Variants in CPB2 observed in about 807,000 individuals in gnomAD.
The protein encoded by CPB2 is carboxypeptidase B-like protein.
In CPB2, 54 loss-of-function variants were observed where a neutral mutation model predicts 57.0. That is an observed-to-expected ratio of 0.95 (90% confidence interval 0.76 to 1.19). The LOEUF is 1.19. CPB2 is among the 50% of genes most tolerant of loss of function. CPB2 has a pLI of 0.00. For synonymous variants in CPB2, 189 were observed against 178.1 expected (o/e 1.06, Z -0.49); for missense variants, 426 against 512.0 (o/e 0.83, Z 1.62).
intron 8 of CPB2, among the ~76,000 whole-genome samples, chr13:46,060,798 T>C (rs1049496260): frequency 2.0e-5 from 3 of 152,118 alleles, no homozygotes; most frequent in African/African-American, 7.2e-5. Flanking sequence ...GCAGGAAACT[T>C]GAGGTCGAGA....
chr13:46,067,160 A>T (rs2044868981), intron 7 of CPB2, 147 bp downstream of exon 7: 2 of 510,250 alleles, frequency 3.9e-6, no homozygotes, highest in South Asian at 6.5e-5. Flanking sequence ...GCACTTATAT[A>T]TATATTTGAC....
chr13:46,095,533 C>T (rs2045352745), intron 1 of CPB2, among the ~76,000 whole-genome samples: 1 of 152,142 alleles, frequency 6.6e-6, no homozygotes, highest in Non-Finnish European at 1.5e-5. Flanking sequence ...CTTGATGTGG[C>T]ATCTTTGCCG....
intron 1 of CPB2, among the ~76,000 whole-genome samples, chr13:46,104,235 CA>C (rs1361320739): frequency 2.0e-5 from 3 of 151,990 alleles, no homozygotes; most frequent in Admixed American, 2.0e-4. Context: ...ATCATAGAAC[CA>C]AAACAAAGGG....
chr13:46,078,968 GCAGA>G lies in CPB2; in HGVS notation c.385-71_385-68del, dbSNP rs1031388032. 12 of 971,878 alleles carry G rather than the reference GCAGA, an allele frequency of 1.2e-5. No individual in the cohort carries two copies. In the Admixed American group the frequency reaches 1.3e-4, roughly 11 times the overall value. 60.2% of individuals were successfully genotyped at this position (971,878 alleles called of 1,614,324 possible). On this transcript the variant is annotated intron_variant, in intron 4 of 10. Coordinates refer to ENST00000181383, the MANE Select transcript of CPB2 (RefSeq NM_001872.5). The stretch of plus-strand genomic sequence containing the variant: ...CAAAGCATTTCCCTGACCAAAGCAA[GCAGA>G]CAACTTCTTCAGAGAAAGGAAAACC...
intron 6 of CPB2, chr13:46,073,604 A>G (rs193086777): frequency 7.8e-6 from 2 of 256,906 alleles, no homozygotes; most frequent in East Asian, 1.8e-4. Flanking sequence ...TAATCAATGT[A>G]CTATTTCTTA....
intron 7 of CPB2, among the ~76,000 whole-genome samples, chr13:46,066,720 C>T (rs1481173993): frequency 6.6e-6 from 1 of 151,744 alleles, no homozygotes; most frequent in African/African-American, 2.4e-5. Flanking sequence ...TGGCAGGCAC[C>T]CGTAGTCCCA....
At chr13:46,067,553 C>T in intron 6 of CPB2, 136 bp from the exon 7 acceptor site, 1 of 567,110 alleles carries the variant, frequency 1.8e-6, no homozygotes, top group South Asian at 2.4e-5. Context: ...AGTGCTAATT[C>T]CTCAAAAGAA....
chr13:46,095,119 A>G (rs973417111), intron 1 of CPB2: 4 of 152,148 alleles, frequency 2.6e-5, no homozygotes, highest in Admixed American at 2.6e-4. Context: ...GCCTAAGACT[A>G]GCTCATAGCG....
chr13:46,077,117 A>C (rs1050776142), intron 5 of CPB2, among the ~76,000 whole-genome samples: 1 of 152,168 alleles, frequency 6.6e-6, no homozygotes, highest in Non-Finnish European at 1.5e-5. Context: ...CTGCACAGCA[A>C]AGGAAATAAC....
chr13:46,087,833 A>T lies in CPB2; in HGVS notation c.75-13T>A, dbSNP rs759543353. ...TAGAACTTGGCCACTGGGGAAAAAA[A>T]TAAAAGAGGATTTTGATATTAAATA... On this transcript the variant is annotated splice_polypyrimidine_tract_variant and intron_variant, in intron 1 of 10. Transcript: ENST00000181383. The T allele has an allele frequency of 3.2e-6, 5 of 1,558,548 alleles. No individual in the cohort carries two copies. The South Asian group carries it at 4.5e-5, about 14-fold the overall frequency.
At chr13:46,053,869 A>T in intron 10 of CPB2, 71 bp from the exon 11 acceptor site, 2 of 1,454,868 alleles carry the variant, frequency 1.4e-6, no homozygotes, top group Non-Finnish European at 1.9e-6. Flanking sequence ...GAATTGTTTG[A>T]TTTAAATGTT....
intron 10 of CPB2, among the ~76,000 whole-genome samples, chr13:46,055,330 G>A (rs2044683205): frequency 6.6e-6 from 1 of 152,176 alleles, no homozygotes; most frequent in African/African-American, 2.4e-5. Flanking sequence ...ACAATCAACT[G>A]TAATGTGTTA....
At chr13:46,067,698 C>A (rs2044877401) in intron 6 of CPB2, among the ~76,000 whole-genome samples, 1 of 152,102 alleles carries the variant, frequency 6.6e-6, no homozygotes, top group African/African-American at 2.4e-5. Flanking sequence ...TTTATTAAAG[C>A]CATAGAGCCC....
In CPB2 at chr13:46,064,667, A is replaced by G. The variant is rs2044825268; in HGVS notation, c.777T>C (p.Phe259=). The G allele has an allele frequency of 1.2e-6, 2 of 1,613,998 alleles. No individual in the cohort carries two copies. Among genetic ancestry groups the G allele is most frequent in the Non-Finnish European group, 8.5e-7 (1 of 1,179,960 alleles). ...ACCTACCACACCAGTGTTTGGAAGC[A>G]AAGTTCCTATTCAGGTCTGTTCCGA... The part of the protein sequence containing the change: ...HCIGTDLNRN[F]ASKHWCEEGA... Residue 259 remains phenylalanine (F), a synonymous_variant, in exon 8 of 11, where the codon TTT becomes TTC. Coordinates refer to ENST00000181383, the MANE Select transcript of CPB2 (RefSeq NM_001872.5).
chr13:46,064,950 T>A (rs561417252), intron 7 of CPB2, among the ~76,000 whole-genome samples: 171 of 152,320 alleles, frequency 1.1e-3, no homozygotes, highest in African/African-American at 3.9e-3. Context: ...CTCAGACTAT[T>A]TTAGTTGAAC....
chr13:46,101,599 C>T (rs17844162), intron 1 of CPB2, among the ~76,000 whole-genome samples: 1 of 152,154 alleles, frequency 6.6e-6, no homozygotes, highest in Non-Finnish European at 1.5e-5. Context: ...GTTTCAACTG[C>T]GTCTCTGAAT....
At chr13:46,092,228 C>T (rs2045303694) in intron 1 of CPB2, among the ~76,000 whole-genome samples, 1 of 152,116 alleles carries the variant, frequency 6.6e-6, no homozygotes, top group Admixed American at 6.5e-5. Context: ...TATGGAACAA[C>T]AGCACTCAAG....
chr13:46,066,877 T>C (rs947372383), intron 7 of CPB2, among the ~76,000 whole-genome samples: 2 of 150,688 alleles, frequency 1.3e-5, no homozygotes, highest in African/African-American at 4.9e-5. Flanking sequence ...TATTATACAA[T>C]TGAAAATACT....
intron 7 of CPB2, among the ~76,000 whole-genome samples, chr13:46,066,356 T>C (rs1158966857): frequency 1.3e-5 from 2 of 152,142 alleles, no homozygotes; most frequent in Non-Finnish European, 2.9e-5. Flanking sequence ...AACTACAAGA[T>C]GGTAATGCAA....
Sources: allele counts gnomAD v4.1 joint callset (sites outside exome capture counted in the v4.1 genomes callset), GRCh38; gene constraint gnomAD v4.1.1; transcripts MANE v1.5; gene names NCBI Gene and HGNC (gene_info 2026-07-23, HGNC 2026-07-21).